The following POLR3B variants were observed in gnomAD, a reference collection of about 807,000 sequenced individuals.
POLR3B encodes RNA polymerase III subunit B, also known as DNA-directed RNA polymerase III subunit RPC2.
In POLR3B, 96 loss-of-function variants were observed where a neutral mutation model predicts 147.4. That is an observed-to-expected ratio of 0.65 (90% CI 0.55 to 0.77). The LOEUF (loss-of-function observed/expected upper bound fraction) is 0.77, where lower values mean the gene tolerates loss of function less well. Among genes scored for constraint, POLR3B ranks in the 30% least tolerant of loss-of-function variants. POLR3B has a pLI of 0.00. For synonymous variants in POLR3B, 461 were observed against 485.9 expected (o/e 0.95, Z 0.67); for missense variants, 1,036 against 1,413.5 (o/e 0.73, Z 4.28).
intron 19 of POLR3B, among the ~76,000 whole-genome samples, chr12:106,449,312 C>T (rs1198818414): frequency 1.3e-5 from 2 of 152,104 alleles, no homozygotes. Flanking sequence ...TGTTGGCGCT[C>T]AAAAAGTTTC....
At chr12:106,477,890 C>CTTTTTT (rs1449168548) in intron 23 of POLR3B, among the ~76,000 whole-genome samples, 4 of 72,280 alleles carry the variant, frequency 5.5e-5, no homozygotes, top group South Asian at 5.5e-4. Flanking sequence ...TGGCTCCTCC[C>CTTTTTT]CTTTTTTTTT....
At chr12:106,369,443 TG>T (rs531467087) in intron 5 of POLR3B, 93 bp downstream of exon 5, 78 of 947,346 alleles carry the variant, frequency 8.2e-5, no homozygotes, top group African/African-American at 3.1e-4. Flanking sequence ...AAAAATGGGA[TG>T]GGGGGGGACA....
intron 23 of POLR3B, among the ~76,000 whole-genome samples, chr12:106,486,284 T>A (rs1270583665): frequency 1.2e-5 from 1 of 86,312 alleles, no homozygotes; most frequent in Non-Finnish European, 1.9e-5. Flanking sequence ...GGAGACTCCG[T>A]CTCAAAAAAA....
At chr12:106,460,184 C>G (rs1464427095) in intron 22 of POLR3B, among the ~76,000 whole-genome samples, 1 of 152,144 alleles carries the variant, frequency 6.6e-6, no homozygotes, top group Non-Finnish European at 1.5e-5. Flanking sequence ...TGAAATAAGC[C>G]ACAAGCGTTG....
At chr12:106,507,682 C>T (rs2038711064) in intron 27 of POLR3B, 1 of 437,794 alleles carries the variant, frequency 2.3e-6, no homozygotes, top group Admixed American at 2.6e-5. Context: ...ACCCTGCGTC[C>T]CCTCATCATA....
At chr12:106,481,137 G>A (rs1198871495) in intron 23 of POLR3B, among the ~76,000 whole-genome samples, 2 of 152,232 alleles carry the variant, frequency 1.3e-5, no homozygotes, top group Non-Finnish European at 1.5e-5. Context: ...AGGCAGCCAT[G>A]AGGCTCATAG....
chr12:106,404,748 G>A (rs137995891), intron 10 of POLR3B, among the ~76,000 whole-genome samples: 2 of 151,950 alleles, frequency 1.3e-5, no homozygotes, highest in Admixed American at 1.3e-4. Flanking sequence ...AACTTAGGAG[G>A]ATTTTTTTAT....
chr12:106,424,573 C>A (rs1248962040), intron 12 of POLR3B, among the ~76,000 whole-genome samples: 1 of 151,902 alleles, frequency 6.6e-6, no homozygotes, highest in Non-Finnish European at 1.5e-5. Flanking sequence ...CTTTTGTTAC[C>A]CTGAAACATA....
At chr12:106,502,367 A>T (rs2038615224) in intron 26 of POLR3B, among the ~76,000 whole-genome samples, 1 of 152,188 alleles carries the variant, frequency 6.6e-6, no homozygotes, top group African/African-American at 2.4e-5. Context: ...CAAGCCTTAG[A>T]CAGATCACTG....
intron 23 of POLR3B, among the ~76,000 whole-genome samples, chr12:106,478,891 T>C (rs1242057210): frequency 1.3e-5 from 2 of 152,248 alleles, no homozygotes; most frequent in Non-Finnish European, 2.9e-5. Flanking sequence ...CTAAGGATTT[T>C]GGTGGCCTTG....
chr12:106,455,998 G>T (rs2037859204), intron 20 of POLR3B, among the ~76,000 whole-genome samples: 1 of 152,156 alleles, frequency 6.6e-6, no homozygotes, highest in African/African-American at 2.4e-5. Flanking sequence ...GTGGAAAATT[G>T]TTAAGTGAAG....
In POLR3B at chr12:106,504,253, TG is replaced by T; in HGVS notation, c.3272+1del. 1.9e-6 allele frequency: 3 copies of T among 1,612,710 alleles called. No individual in the cohort carries two copies. The highest frequency in any genetic ancestry group is 2.5e-6 in the Non-Finnish European group (3 of 1,178,640). ...GQCGLLGYSG[W>X]CHYCKSSCHV... Reference sequence around the variant, plus strand: ...GTGTGGACTTCTGGGGTATTCTGGCTGGTAAGTGGATACCATATGTCTCCCA... The same window carrying T: ...GTGTGGACTTCTGGGGTATTCTGGCTGTAAGTGGATACCATATGTCTCCCA... On this transcript the variant is annotated frameshift_variant and splice_region_variant, in exon 27 of 28. Coordinates refer to ENST00000228347, the MANE Select transcript of POLR3B (RefSeq NM_018082.6). LOFTEE classifies it high-confidence loss of function. This position sits in a 1 kb window ranked among gnomAD's most constrained non-coding sequence, Gnocchi z 4.6.
At chr12:106,422,217 C>T (rs1161212549) in intron 12 of POLR3B, among the ~76,000 whole-genome samples, 1 of 152,094 alleles carries the variant, frequency 6.6e-6, no homozygotes, top group Non-Finnish European at 1.5e-5. Context: ...CTCCTAGTGC[C>T]ATTTTCTTGG....
At chr12:106,479,796 C>CTTCTTTTCTTTTCTTTTCTTTGCTT (rs2038239878) in intron 23 of POLR3B, among the ~76,000 whole-genome samples, 1 of 133,916 alleles carries the variant, frequency 7.5e-6, no homozygotes, top group African/African-American at 3.0e-5. Context: ...TCTTTCCTTC[C>CTTCTTTTCTTTTCTTTTCTTTGCTT]TTCTTTTCTT....
chr12:106,426,425 A>G (rs1055556349), intron 12 of POLR3B, among the ~76,000 whole-genome samples: 2 of 151,558 alleles, frequency 1.3e-5, no homozygotes, highest in African/African-American at 4.9e-5. Flanking sequence ...TAATTTTTGT[A>G]TTTTTAGTAG....
At position 106,447,369 on chromosome 12, in the gene POLR3B, G is replaced by A. The variant is rs114639472; in HGVS notation, c.2083+2779G>A. On this transcript the variant is annotated intron_variant, in intron 19 of 27. Coordinates refer to ENST00000228347, the MANE Select transcript of POLR3B (RefSeq NM_018082.6). ...AAAGCCTTACCTTCTATGTAAGAGAGCTAATCCACGATAAAACACCAGCAG... is the reference window on the plus strand; with the variant it reads ...AAAGCCTTACCTTCTATGTAAGAGAACTAATCCACGATAAAACACCAGCAG... 4.5e-3 allele frequency among the ~76,000 whole-genome samples: 682 copies of A among 152,228 alleles called. 4 individuals are homozygous for A. The highest frequency in any genetic ancestry group is 0.016 in the African/African-American group (657 of 41,548).
At chr12:106,486,514 G>T (rs1367378537) in intron 23 of POLR3B, among the ~76,000 whole-genome samples, 1 of 151,950 alleles carries the variant, frequency 6.6e-6, no homozygotes, top group African/African-American at 2.4e-5. Context: ...TTTCTCGTTG[G>T]AAAGACACTA....
intron 2 of POLR3B, among the ~76,000 whole-genome samples, chr12:106,366,002 G>T (rs189804632): frequency 6.6e-6 from 1 of 152,216 alleles, no homozygotes; most frequent in African/African-American, 2.4e-5. Flanking sequence ...CACACATGGA[G>T]CTGTCATCTT....
At chr12:106,426,508 G>A (rs571720378) in intron 12 of POLR3B, among the ~76,000 whole-genome samples, 2 of 151,846 alleles carry the variant, frequency 1.3e-5, no homozygotes, top group South Asian at 4.2e-4. Context: ...GTAGAGACAG[G>A]GTTTCACCAT....
Sources: allele counts gnomAD v4.1 joint callset (sites outside exome capture counted in the v4.1 genomes callset), GRCh38; gene constraint gnomAD v4.1.1; non-coding constraint Gnocchi (gnomAD v3.1); transcripts MANE v1.5; gene names NCBI Gene and HGNC (gene_info 2026-07-23, HGNC 2026-07-21).